DNER: variants seen among roughly 807,000 people sequenced by gnomAD.
DNER encodes delta and Notch-like epidermal growth factor-related receptor.
DNER carries 33 observed loss-of-function variants against 78.2 expected under a neutral mutation model. The observed-to-expected ratio is 0.42, with a 90% CI of 0.32 to 0.56. DNER has a LOEUF of 0.56. DNER is among the 20% of genes least tolerant of loss of function. The pLI, the probability that DNER is intolerant of heterozygous loss-of-function variation, is 0.11. For synonymous variants in DNER, 417 were observed against 384.8 expected (o/e 1.08, Z -0.98); for missense variants, 918 against 975.3 (o/e 0.94, Z 0.78).
intron 4 of DNER, 70 bp downstream of exon 4, chr2:229,585,788 C>T: frequency 1.3e-6 from 2 of 1,556,324 alleles, no homozygotes; most frequent in Non-Finnish European, 1.8e-6. Flanking sequence ...TCCCTACCTA[C>T]TGTCTCAACA....
At chr2:229,398,447 C>A (rs972604175) in intron 10 of DNER, among the ~76,000 whole-genome samples, 14 of 152,026 alleles carry the variant, frequency 9.2e-5, no homozygotes, top group African/African-American at 3.4e-4. Flanking sequence ...CAAATTGATA[C>A]AATCGGTTGC....
chr2:229,542,505 T>C (rs1289659966), intron 5 of DNER, among the ~76,000 whole-genome samples: 1 of 152,074 alleles, frequency 6.6e-6, no homozygotes, highest in Non-Finnish European at 1.5e-5. Flanking sequence ...AATAACAGAA[T>C]TGCTTTTATT....
At chr2:229,524,394 A>T (rs1382203044) in intron 5 of DNER, among the ~76,000 whole-genome samples, 2 of 152,228 alleles carry the variant, frequency 1.3e-5, no homozygotes, top group African/African-American at 4.8e-5. Context: ...TGTTTTTAAA[A>T]TTTAACTGTT....
chr2:229,477,957 G>A (rs1695071840), intron 6 of DNER, among the ~76,000 whole-genome samples: 1 of 152,156 alleles, frequency 6.6e-6, no homozygotes, highest in Admixed American at 6.5e-5. Context: ...GAACACCTGT[G>A]CAGTCAAAAA....
chr2:229,543,556 G>A (rs1452559722), intron 5 of DNER, among the ~76,000 whole-genome samples: 1 of 152,144 alleles, frequency 6.6e-6, no homozygotes, highest in Admixed American at 6.5e-5. Flanking sequence ...TTTCTCTCGT[G>A]CCAATATTAA....
intron 1 of DNER, among the ~76,000 whole-genome samples, chr2:229,628,734 G>A (rs1698387338): frequency 1.3e-5 from 2 of 152,104 alleles, no homozygotes; most frequent in Non-Finnish European, 1.5e-5. Context: ...CCAGCTTCCT[G>A]AGGCAGTGTC....
chr2:229,540,212 A>G (rs1696485090), intron 5 of DNER, among the ~76,000 whole-genome samples: 1 of 152,112 alleles, frequency 6.6e-6, no homozygotes, highest in African/African-American at 2.4e-5. Flanking sequence ...GTGGAAGGGT[A>G]AGTGGTAGAG....
intron 12 of DNER, among the ~76,000 whole-genome samples, chr2:229,366,157 C>T (rs536138481): frequency 3.3e-5 from 5 of 152,134 alleles, no homozygotes; most frequent in Non-Finnish European, 7.3e-5. Context: ...TCATCCTGCA[C>T]ATGTATCCCA....
rs532411798 is a variant in DNER, at chr2:229,656,477, A to T, written c.276+57671T>A. ...CACATGGTGAGATTCATTCCCTACCACTAAGCGTGGGCTGAGCTCCAGCTC... is the reference window on the plus strand; with the variant it reads ...CACATGGTGAGATTCATTCCCTACCTCTAAGCGTGGGCTGAGCTCCAGCTC... On this transcript the variant is annotated intron_variant, in intron 1 of 12. Transcript: ENST00000341772. 5.9e-5 allele frequency among the ~76,000 whole-genome samples: 9 copies of T among 152,286 alleles called. No homozygotes were observed. In the South Asian group the frequency reaches 1.9e-3, roughly 32 times the overall value.
Position 229,526,801 on chromosome 2 carries a change from G to T in DNER, c.994-13865C>A, listed in dbSNP as rs189346792. Among the ~76,000 whole-genome samples the T allele has an allele frequency of 3.3e-3, 502 of 152,262 alleles. 4 individuals are homozygous for T. The highest frequency in any genetic ancestry group is 0.012 in the African/African-American group (483 of 41,542). The stretch of plus-strand genomic sequence containing the variant: ...GGGGGACCTCTGCTCTAGAGCTTCT[G>T]TGTCCCCATCTGATGATGGGGATGG... On this transcript the variant is annotated intron_variant, in intron 5 of 12. Transcript: ENST00000341772.
At chr2:229,475,679 T>G (rs1247646412) in intron 7 of DNER, among the ~76,000 whole-genome samples, 1 of 152,186 alleles carries the variant, frequency 6.6e-6, no homozygotes, top group Non-Finnish European at 1.5e-5. Context: ...CTGTTTTTAG[T>G]TCGAGGGCCA....
intron 1 of DNER, among the ~76,000 whole-genome samples, chr2:229,626,489 A>G (rs943265955): frequency 5.3e-5 from 8 of 152,230 alleles, no homozygotes; most frequent in African/African-American, 1.9e-4. Flanking sequence ...ATTCAAACAT[A>G]TTACCAGAAG....
At chr2:229,401,489 A>G (rs1693265734) in intron 10 of DNER, among the ~76,000 whole-genome samples, 1 of 152,154 alleles carries the variant, frequency 6.6e-6, no homozygotes, top group Non-Finnish European at 1.5e-5. Flanking sequence ...AATACTGCTC[A>G]GCAATAAAAA....
rs376092444 is a variant in DNER at position 229,477,249 on chromosome 2, A to G, written c.1152T>C (p.Tyr384=). The G allele has an allele frequency of 4.4e-5, 71 of 1,607,038 alleles. No homozygotes were observed. The African/African-American group carries it at 5.4e-4, about 12-fold the overall frequency. Residue 384 remains tyrosine (Y), a synonymous_variant, in exon 7 of 13, where the codon TAT becomes TAC. Transcript: ENST00000341772. ...SNFTCVCLPG[Y]TGELCQSKID... is the part of the protein sequence containing the mutation. ...TCTTGGACTGGCAAAGCTCTCCAGT[A>G]TAACCTGAATAAAACAAAATGTACA...
At chr2:229,712,974 A>C (rs1226613576) in intron 1 of DNER, among the ~76,000 whole-genome samples, 1 of 152,244 alleles carries the variant, frequency 6.6e-6, no homozygotes, top group African/African-American at 2.4e-5. Context: ...CCTCTAAAAA[A>C]TGTAAAACCT....
At chr2:229,578,554 C>A (rs1215181313) in intron 4 of DNER, among the ~76,000 whole-genome samples, 3 of 152,134 alleles carry the variant, frequency 2.0e-5, no homozygotes, top group Admixed American at 6.5e-5. Context: ...GCCCTCCAGC[C>A]AAGCTGAGAT....
chr2:229,512,684 A>G (rs1695888662), intron 6 of DNER, 99 bp downstream of exon 6: 1 of 1,503,590 alleles, frequency 6.7e-7, no homozygotes, highest in African/African-American at 1.4e-5. Flanking sequence ...CATGTAACCA[A>G]GTACCACCTG....
intron 6 of DNER, 81 bp from the exon 7 acceptor site, chr2:229,477,334 A>G: frequency 1.0e-6 from 1 of 970,954 alleles, no homozygotes; most frequent in Non-Finnish European, 1.5e-6. Context: ...GATGGATTCA[A>G]CTGGTACCTG....
chr2:229,661,184 C>T (rs1699004368), intron 1 of DNER, among the ~76,000 whole-genome samples: 2 of 152,092 alleles, frequency 1.3e-5, no homozygotes, highest in Non-Finnish European at 2.9e-5. Context: ...AGTGTCTTTG[C>T]CAAAGACATC....
Sources: allele counts gnomAD v4.1 joint callset (sites outside exome capture counted in the v4.1 genomes callset), GRCh38; gene constraint gnomAD v4.1.1; transcripts MANE v1.5; gene names NCBI Gene and HGNC (gene_info 2026-07-23, HGNC 2026-07-21).